The following MYH8 variants were observed in gnomAD, a reference collection of about 807,000 sequenced individuals.
MYH8 encodes myosin heavy chain 8, also known as myosin-8.
Under a neutral mutation model 233.2 loss-of-function variants are expected in MYH8, and 168 were observed. The observed-to-expected ratio is 0.72, with a 90% CI of 0.64 to 0.82. The LOEUF (loss-of-function observed/expected upper bound fraction) is 0.82, where lower values mean the gene tolerates loss of function less well. MYH8 is among the 40% of genes least tolerant of loss of function. The probability of loss-of-function intolerance (pLI) is 0.00; values close to 1 mark genes in which losing one functional copy is unlikely to be tolerated. For synonymous variants in MYH8, 785 were observed against 850.6 expected (o/e 0.92, Z 1.34); for missense variants, 1,995 against 2,327.8 (o/e 0.86, Z 2.94).
rs777613744 is a variant in MYH8, at chr17:10,394,279, G to A, written c.5136C>T (p.Ala1712=). 6.2e-7 allele frequency: 1 copy of A among 1,613,948 alleles called. No homozygotes were observed. The highest frequency in any genetic ancestry group is 8.5e-7 in the Non-Finnish European group (1 of 1,179,928). ...TGTGGAGGAGCTGGACACGCTCACTGGCATCCAGGAGCTCCTGTTCGGCGA... is the reference window on the plus strand; with the variant it reads ...TGTGGAGGAGCTGGACACGCTCACTAGCATCCAGGAGCTCCTGTTCGGCGA... The part of the protein sequence containing the change: ...RKIAEQELLD[A]SERVQLLHTQ... Residue 1712 remains alanine (A), a synonymous_variant, in exon 35 of 40, where the codon GCC becomes GCT. Transcript: ENST00000403437.
In MYH8 at chr17:10,399,593, C is replaced by T. The variant is rs536291125; in HGVS notation, c.3812G>A (p.Arg1271Gln). ...ELKTKEEEQQRLINDLTAQRA... is the reference protein window; with the variant it reads ...ELKTKEEEQQQLINDLTAQRA... ...CTGTGCTGTGAGGTCATTGATCAGC[C>T]GCTGCTGCTCCTCTTCCTTGGTCTT... The change falls in exon 28 of 40, where the codon CGG (arginine) becomes CAG (glutamine). Residue 1271 changes from arginine (R) to glutamine (Q), a missense_variant. Physicochemically the swap from Arg to Gln is conservative, Grantham distance 43 (BLOSUM62 1). Transcript: ENST00000403437. 20 of 1,614,050 alleles carry T rather than the reference C, an allele frequency of 1.2e-5. No individual in the cohort carries two copies. The highest frequency in any genetic ancestry group is 1.7e-4 in the Middle Eastern group (1 of 5,958).
chr17:10,409,400 G>A lies in MYH8; in HGVS notation c.1776C>T (p.Asn592=). The change falls in exon 16 of 40, where the codon AAC becomes AAT. Residue 592 remains asparagine, a synonymous_variant. Transcript: ENST00000403437. ...TATTTTTGTCCAGCCAGCCAGTAAT[G>A]TTGTAGTCCACAGTGCCAGCATAGT... ...LIHYAGTVDY[N]ITGWLDKNKD... 6.2e-7 allele frequency: 1 copy of A among 1,614,246 alleles called. No homozygotes were observed. Among genetic ancestry groups the A allele is most frequent in the Non-Finnish European group, 8.5e-7 (1 of 1,180,056 alleles).
At chr17:10,390,655 C>G (rs767848326) in intron 39 of MYH8, 52 bp from the exon 40 acceptor site, 2 of 1,584,870 alleles carry the variant, frequency 1.3e-6, no homozygotes, top group Non-Finnish European at 1.7e-6. Context: ...TCTCATTGCA[C>G]TTATCACCAG....
In MYH8 at chr17:10,398,831, C is replaced by T. The variant is rs747419064; in HGVS notation, c.3918G>A (p.Arg1306=). Residue 1306 remains arginine (R), a synonymous_variant, in exon 29 of 40, where the codon AGG becomes AGA. Coordinates refer to ENST00000403437, the MANE Select transcript of MYH8 (RefSeq NM_002472.3). ...EKDALVSQLS[R]SKQASTQQIE... is the part of the protein sequence containing the mutation. The stretch of plus-strand genomic sequence containing the variant: ...TCTGCTGAGTAGATGCTTGCTTGCT[C>T]CTTGAAAGCTGAGAGACTAAAGCAT... The T allele has an allele frequency of 5.6e-6, 9 of 1,613,794 alleles. No homozygotes were observed. The highest frequency in any genetic ancestry group is 1.1e-5 in the South Asian group (1 of 91,060).
intron 35 of MYH8, among the ~76,000 whole-genome samples, chr17:10,393,705 C>A (rs7211175): frequency 0.55 from 83,378 of 152,000 alleles, 23,559 homozygotes; most frequent in African/African-American, 0.59. Context: ...ATCGTCTCAA[C>A]AGGTATTTGA....
rs1309866442 is a variant in MYH8, at chr17:10,406,274, C to T, written c.2295G>A (p.Lys765=). Residue 765 remains lysine (K), a splice_region_variant and synonymous_variant, in exon 20 of 40, where the codon AAG becomes AAA. Transcript: ENST00000403437. ...DHTQYKFGHT[K]VFFKAGLLGL... is the part of the protein sequence containing the mutation. Reference sequence around the variant, plus strand: ...CAGGTGTAAATAAATAACGATATACCTTGGTATGTCCAAATTTATATTGAG... The same window carrying T: ...CAGGTGTAAATAAATAACGATATACTTTGGTATGTCCAAATTTATATTGAG... 2 of 1,614,004 alleles carry T rather than the reference C, an allele frequency of 1.2e-6. No homozygotes were observed. Among genetic ancestry groups the T allele is most frequent in the African/African-American group, 1.3e-5 (1 of 75,008 alleles).
chr17:10,401,254 G>A lies in MYH8; in HGVS notation c.3108+21C>T, dbSNP rs774157355. ...ATATTTTTAAAAAAATCTTTCAAAG[G>A]GATATTTAAAATGTGCTTACATCAT... On this transcript the variant is annotated intron_variant, in intron 24 of 39. Coordinates refer to ENST00000403437, the MANE Select transcript of MYH8 (RefSeq NM_002472.3). 3.1e-6 allele frequency: 5 copies of A among 1,613,968 alleles called. No individual in the cohort carries two copies. In the South Asian group the frequency reaches 5.5e-5, roughly 18 times the overall value.
In MYH8 at chr17:10,392,392, T is replaced by C. The variant is rs1037030807; in HGVS notation, c.5568+150A>G. 7 of 761,148 alleles carry C rather than the reference T, an allele frequency of 9.2e-6. No homozygotes were observed. In the African/African-American group the frequency reaches 1.2e-4, roughly 13 times the overall value. 47.1% of individuals were successfully genotyped at this position (761,148 alleles called of 1,614,324 possible). A position where few individuals can be genotyped will look rare whatever the true frequency, so the allele number is the denominator to read the frequency against. On this transcript the variant is annotated intron_variant, in intron 38 of 39. Transcript: ENST00000403437. The stretch of plus-strand genomic sequence containing the variant: ...CTGAAGGCCTCCCTAAGTTTTAGTA[T>C]AGGTCTGTGATAAGCAACTGTCTTT...
At position 10,409,158 on chromosome 17, in the gene MYH8, C is replaced by T. The variant is rs765459916; in HGVS notation, c.1904G>A (p.Ser635Asn). The change falls in exon 17 of 40, where the codon AGC becomes AAC. Residue 635 changes from serine to asparagine, a missense_variant. This residue lies in a region of MYH8 where 1,498 missense variants were observed against 1,680.9 expected (regional missense o/e 0.89). Coordinates refer to ENST00000403437, the MANE Select transcript of MYH8 (RefSeq NM_002472.3). ...CTTTTTCTTAGCACCTTTCTTCGCG[C>T]TGCTATCTGAGGTAAAAAGAAAACC... Reference protein sequence around the residue: ...STYASAEADSSAKKGAKKKGS... With the variant: ...STYASAEADSNAKKGAKKKGS... 6.2e-7 allele frequency: 1 copy of T among 1,614,178 alleles called. No individual in the cohort carries two copies. The highest frequency in any genetic ancestry group is 8.5e-7 in the Non-Finnish European group (1 of 1,180,042).
intron 21 of MYH8, 143 bp downstream of exon 21, chr17:10,405,898 C>A: frequency 1.0e-6 from 1 of 1,002,758 alleles, no homozygotes; most frequent in South Asian, 1.4e-5. Context: ...AGAGCTGAAG[C>A]AAAGGCTGCT....
intron 22 of MYH8, among the ~76,000 whole-genome samples, chr17:10,402,567 A>C (rs2072153105): frequency 6.6e-6 from 1 of 152,060 alleles, no homozygotes; most frequent in Non-Finnish European, 1.5e-5. Flanking sequence ...TCGTATTTTT[A>C]ACATTTTACT....
rs968443949 is a variant in MYH8, at chr17:10,419,483, T to C, written c.211-453A>G. Among the ~76,000 whole-genome samples the C allele has an allele frequency of 4.6e-5, 7 of 152,210 alleles. No homozygotes were observed. Among genetic ancestry groups the C allele is most frequent in the Admixed American group, 2.0e-4 (3 of 15,278 alleles). On this transcript the variant is annotated intron_variant, in intron 3 of 39. Coordinates refer to ENST00000403437, the MANE Select transcript of MYH8 (RefSeq NM_002472.3). The surrounding 1 kb of genome is among the most constrained non-coding windows in gnomAD (Gnocchi z 4.0). ...GTCCTCTTAAAAAAGGCATGAAATA[T>C]ATTCATTTCAGAGTTTAATGTTAAG...
In MYH8 at chr17:10,396,262, T is replaced by C; in HGVS notation, c.4653+68A>G. On this transcript the variant is annotated intron_variant, in intron 33 of 39. Coordinates refer to ENST00000403437, the MANE Select transcript of MYH8 (RefSeq NM_002472.3). This position sits in a 1 kb window ranked among gnomAD's most constrained non-coding sequence, Gnocchi z 4.2. Reference sequence around the variant, plus strand: ...AGATCCTGTGAGTTTAAATTATCACTAGCCCCACTTTTTTTTAACTGATGT... The same window carrying C: ...AGATCCTGTGAGTTTAAATTATCACCAGCCCCACTTTTTTTTAACTGATGT... 6.3e-7 allele frequency: 1 copy of C among 1,579,566 alleles called. No individual in the cohort carries two copies.
chr17:10,395,018 C>A, intron 34 of MYH8, 115 bp downstream of exon 34: 1 of 1,133,176 alleles, frequency 8.8e-7, no homozygotes, highest in African/African-American at 1.5e-5. Flanking sequence ...TACCTTTGTG[C>A]GGTCAGCTGT....
At position 10,393,095 on chromosome 17, in the gene MYH8, G is replaced by A; in HGVS notation, c.5282C>T (p.Ala1761Val). The change falls in exon 36 of 40, where the codon GCC becomes GTC. Residue 1761 changes from alanine to valine, a missense_variant. Around this residue, in one of 3 missense-constraint regions of MYH8, gnomAD observed 1,498 missense variants for 1,680.9 expected, o/e 0.89. Transcript: ENST00000403437. Reference protein sequence around the residue: ...SRNAEEKAKKAITDAAMMAEE... With the variant: ...SRNAEEKAKKVITDAAMMAEE... ...AAATGTTCATCTTACATCAGTGATG[G>A]CCTTCTTGGCTTTCTCTTCTGCATT... 3 of 1,614,172 alleles carry A rather than the reference G, an allele frequency of 1.9e-6. No individual in the cohort carries two copies. The highest frequency in any genetic ancestry group is 2.5e-6 in the Non-Finnish European group (3 of 1,180,034).
At position 10,417,845 on chromosome 17, in the gene MYH8, A is replaced by C. The variant is rs1262791309; in HGVS notation, c.511+800T>G. Among the ~76,000 whole-genome samples the C allele has an allele frequency of 6.6e-6, 1 of 152,166 alleles. No homozygotes were observed. The highest frequency in any genetic ancestry group is 1.5e-5 in the Non-Finnish European group (1 of 68,036). On this transcript the variant is annotated intron_variant, in intron 5 of 39. Coordinates refer to ENST00000403437, the MANE Select transcript of MYH8 (RefSeq NM_002472.3). The surrounding 1 kb of genome is among the most constrained non-coding windows in gnomAD (Gnocchi z 4.1). ...TTCCTCTTTATTCTCCCCCTCGAAA[A>C]GACAATTTAAAAACAAGTGCAAAAA...
chr17:10,398,357 G>A lies in MYH8; in HGVS notation c.4178+87C>T, dbSNP rs2072098099. ...TTGACACAGTATGCACTCAATAAAT[G>A]TTAGCTTTTGCTATTGTTATGTTAT... On this transcript the variant is annotated intron_variant, in intron 30 of 39. Transcript: ENST00000403437. The A allele has an allele frequency of 5.6e-6, 9 of 1,594,530 alleles. No homozygotes were observed. In the South Asian group the frequency reaches 6.6e-5, roughly 12 times the overall value.
chr17:10,411,330 C>T lies in MYH8; in HGVS notation c.1417-383G>A, dbSNP rs935592152. On this transcript the variant is annotated intron_variant, in intron 14 of 39. Transcript: ENST00000403437. ...GGTGGAGGTTGCAGTGAGCTGAGAT[C>T]GCGCCACTGCACACCAGCCTGGGTG... Among the ~76,000 whole-genome samples the T allele has an allele frequency of 6.6e-5, 10 of 150,980 alleles. 1 individual carries two copies. The highest frequency in any genetic ancestry group is 1.9e-4 in the African/African-American group (8 of 41,060).
At chr17:10,409,672 G>A in intron 15 of MYH8, 84 bp from the exon 16 acceptor site, 3 of 1,540,554 alleles carry the variant, frequency 1.9e-6, no homozygotes, top group Non-Finnish European at 2.7e-6. Flanking sequence ...ATTGAATTAT[G>A]AGCACCCCAA....
Sources: allele counts gnomAD v4.1 joint callset (sites outside exome capture counted in the v4.1 genomes callset), GRCh38; gene constraint gnomAD v4.1.1; regional missense constraint gnomAD v4.1.1; non-coding constraint Gnocchi (gnomAD v3.1); transcripts MANE v1.5; gene names NCBI Gene and HGNC (gene_info 2026-07-23, HGNC 2026-07-21).